The following SLCO3A1 variants were observed in gnomAD, a reference collection of about 807,000 sequenced individuals.
The protein encoded by SLCO3A1 is solute carrier organic anion transporter family member 3A1.
SLCO3A1 carries 27 observed loss-of-function variants against 63.1 expected under a neutral mutation model. The ratio of observed to expected loss-of-function variants is 0.43; its 90% CI spans 0.32 to 0.59. The LOEUF (loss-of-function observed/expected upper bound fraction) is 0.59, where lower values mean the gene tolerates loss of function less well. SLCO3A1 is among the 20% of genes least tolerant of loss of function. SLCO3A1 has a pLI of 0.09. For synonymous variants in SLCO3A1, 473 were observed against 409.9 expected (o/e 1.15, Z -1.86); for missense variants, 773 against 945.8 (o/e 0.82, Z 2.40).
chr15:92,032,533 A>G (rs1341651714), intron 2 of SLCO3A1, among the ~76,000 whole-genome samples: 2 of 151,992 alleles, frequency 1.3e-5, no homozygotes, highest in Non-Finnish European at 2.9e-5. Context: ...GCTGGAAGGG[A>G]GGGATTTTGG....
intron 1 of SLCO3A1, among the ~76,000 whole-genome samples, chr15:91,878,560 C>T (rs1412619102): frequency 2.6e-5 from 4 of 152,158 alleles, no homozygotes; most frequent in Admixed American, 6.5e-5. Context: ...TTGAAGCTTC[C>T]GCTCGGTATG....
intron 2 of SLCO3A1, among the ~76,000 whole-genome samples, chr15:92,051,705 C>A (rs2046959525): frequency 6.6e-6 from 1 of 152,024 alleles, no homozygotes; most frequent in Admixed American, 6.6e-5. Flanking sequence ...GTGCTAGGTT[C>A]GTGCTTGTAT....
At chr15:92,172,395 C>A (rs946575824) in exon 11 of SLCO3A1, 1 of 152,300 alleles carries the variant, frequency 6.6e-6, no homozygotes, top group Non-Finnish European at 1.5e-5. Context: ...ACATACTGTA[C>A]GTTTGCTGAA....
At chr15:91,961,378 A>G (rs1284172036) in intron 2 of SLCO3A1, among the ~76,000 whole-genome samples, 1 of 152,256 alleles carries the variant, frequency 6.6e-6, no homozygotes, top group Non-Finnish European at 1.5e-5. Context: ...CCTGAAGGGC[A>G]TAGGCAATAG....
chr15:92,015,623 G>A (rs2046417596), intron 2 of SLCO3A1, among the ~76,000 whole-genome samples: 1 of 152,110 alleles, frequency 6.6e-6, no homozygotes, highest in South Asian at 2.1e-4. Context: ...CACTCCCAAG[G>A]GAGAGGCAGA....
chr15:92,106,545 C>T (rs144772291), intron 4 of SLCO3A1, among the ~76,000 whole-genome samples: 1 of 152,314 alleles, frequency 6.6e-6, no homozygotes, highest in African/African-American at 2.4e-5. Context: ...CCATGGGCGA[C>T]TACAGTATTT....
At chr15:91,920,210 G>C (rs934077301) in intron 2 of SLCO3A1, among the ~76,000 whole-genome samples, 1 of 152,208 alleles carries the variant, frequency 6.6e-6, no homozygotes, top group African/African-American at 2.4e-5. Flanking sequence ...GCTGGGCTGT[G>C]GGTCTGAAAG....
intron 4 of SLCO3A1, among the ~76,000 whole-genome samples, chr15:92,113,884 A>C (rs979507437): frequency 2.6e-5 from 4 of 152,238 alleles, no homozygotes; most frequent in Admixed American, 6.5e-5. Context: ...CAGGAGTTTG[A>C]GTCAACATCA....
intron 4 of SLCO3A1, among the ~76,000 whole-genome samples, chr15:92,117,269 G>A (rs1339055757): frequency 6.6e-6 from 1 of 152,182 alleles, no homozygotes; most frequent in Non-Finnish European, 1.5e-5. Context: ...TCATTTCTGA[G>A]CCAAAGAGCA....
intron 5 of SLCO3A1, among the ~76,000 whole-genome samples, chr15:92,121,415 C>G (rs2047861014): frequency 6.6e-6 from 1 of 152,186 alleles, no homozygotes; most frequent in African/African-American, 2.4e-5. Context: ...TCTCAGGTTT[C>G]TGGCTTGGAG....
chr15:92,000,206 A>G (rs1395970092), intron 2 of SLCO3A1, among the ~76,000 whole-genome samples: 1 of 152,132 alleles, frequency 6.6e-6, no homozygotes, highest in Non-Finnish European at 1.5e-5. Context: ...GTGTGTATAG[A>G]TATACAAAAC....
rs1469085693 is a variant in SLCO3A1 at position 92,033,737 on chromosome 15, T to C, written c.647-61144T>C. 2.6e-5 allele frequency among the ~76,000 whole-genome samples: 4 copies of C among 151,790 alleles called. No individual in the cohort carries two copies. Among genetic ancestry groups the C allele is most frequent in the Non-Finnish European group, 5.9e-5 (4 of 67,942 alleles). ...TCGCTGGTGGCAAAAAAGACGGGGA[T>C]AGGAGTGTTGGGAGTCGTACAGTTT... On this transcript the variant is annotated intron_variant, in intron 2 of 9. Coordinates refer to ENST00000318445, the MANE Select transcript of SLCO3A1 (RefSeq NM_013272.4). The surrounding 1 kb of genome is among the most constrained non-coding windows in gnomAD (Gnocchi z 4.5).
chr15:92,043,945 G>C (rs2046829018), intron 2 of SLCO3A1, among the ~76,000 whole-genome samples: 1 of 152,048 alleles, frequency 6.6e-6, no homozygotes, highest in Non-Finnish European at 1.5e-5. Flanking sequence ...CTTCCTTTCT[G>C]CTTTCCAACA....
chr15:91,863,441 G>C lies in SLCO3A1; in HGVS notation c.180+9353G>C, dbSNP rs375877585. Among the ~76,000 whole-genome samples, 5 of 152,228 alleles carry C rather than the reference G, an allele frequency of 3.3e-5. No homozygotes were observed. The highest frequency in any genetic ancestry group is 7.3e-5 in the Non-Finnish European group (5 of 68,042). ...GATGGCCGTGAGTACAACCACTGCC[G>C]GTTGTGACAGACACCATCCTTTGGC... On this transcript the variant is annotated intron_variant, in intron 1 of 9. Coordinates refer to ENST00000318445, the MANE Select transcript of SLCO3A1 (RefSeq NM_013272.4). This position sits in a 1 kb window ranked among gnomAD's most constrained non-coding sequence, Gnocchi z 4.3.
At chr15:92,012,248 T>C (rs1034454098) in intron 2 of SLCO3A1, among the ~76,000 whole-genome samples, 5 of 152,226 alleles carry the variant, frequency 3.3e-5, no homozygotes, top group African/African-American at 1.2e-4. Flanking sequence ...GCCTTTGAGA[T>C]TGGAGCAGCT....
intron 9 of SLCO3A1, among the ~76,000 whole-genome samples, chr15:92,153,872 A>G (rs1348524371): frequency 6.6e-6 from 1 of 152,168 alleles, no homozygotes; most frequent in African/African-American, 2.4e-5. Flanking sequence ...GGGGGGACAG[A>G]AGAAGATGGA....
At chr15:92,156,046 T>C (rs1487294060) in intron 9 of SLCO3A1, among the ~76,000 whole-genome samples, 1 of 152,160 alleles carries the variant, frequency 6.6e-6, no homozygotes, top group Non-Finnish European at 1.5e-5. Flanking sequence ...CTGGGGTGAT[T>C]TGTGAACTAC....
chr15:91,941,399 A>G lies in SLCO3A1; in HGVS notation c.646+24941A>G. The G allele has an allele frequency of 2.6e-6, 1 of 389,754 alleles. No individual in the cohort carries two copies. The highest frequency in any genetic ancestry group is 1.9e-5 in the South Asian group (1 of 52,038). 24.1% of individuals were successfully genotyped at this position (389,754 alleles called of 1,614,324 possible). On this transcript the variant is annotated intron_variant, in intron 2 of 9. Coordinates refer to ENST00000318445, the MANE Select transcript of SLCO3A1 (RefSeq NM_013272.4). The surrounding 1 kb of genome is among the most constrained non-coding windows in gnomAD (Gnocchi z 4.4). ...GAGGCTGTGGGGTCTGCCACCCAGC[A>G]GATCTGTGTCACGGGAGTGGCGCTG...
chr15:92,057,827 G>A (rs1342014557), intron 2 of SLCO3A1, among the ~76,000 whole-genome samples: 2 of 152,148 alleles, frequency 1.3e-5, no homozygotes, highest in East Asian at 1.9e-4. Context: ...CCTTGCCCTC[G>A]GCGACACCAG....
Sources: allele counts gnomAD v4.1 joint callset (sites outside exome capture counted in the v4.1 genomes callset), GRCh38; gene constraint gnomAD v4.1.1; non-coding constraint Gnocchi (gnomAD v3.1); transcripts MANE v1.5; gene names NCBI Gene and HGNC (gene_info 2026-07-23, HGNC 2026-07-21).